MYO7A: variants seen among roughly 807,000 people sequenced by gnomAD.
MYO7A encodes myosin VIIA, also known as unconventional myosin-VIIa.
A neutral mutation model predicts 263.8 loss-of-function variants in MYO7A; 210 were observed. The observed-to-expected ratio is 0.80, with a 90% confidence interval of 0.71 to 0.89. The LOEUF is 0.89. Among genes scored for constraint, MYO7A ranks in the 40% least tolerant of loss-of-function variants. MYO7A has a pLI of 0.00. For synonymous variants in MYO7A, 1,239 were observed against 1,197.3 expected (o/e 1.03, Z -0.72); for missense variants, 2,820 against 2,968.3 (o/e 0.95, Z 1.16).
chr11:77,159,419 C>CCG, intron 9 of MYO7A, 28 bp from the exon 10 acceptor site: 1 of 1,545,410 alleles, frequency 6.5e-7, no homozygotes, highest in South Asian at 1.1e-5. Context: ...CCTCCCTCCC[C>CCG]TGATGCTGTG....
chr11:77,150,933 AC>A (rs1179124884), intron 4 of MYO7A, among the ~76,000 whole-genome samples: 1 of 151,972 alleles, frequency 6.6e-6, no homozygotes, highest in Non-Finnish European at 1.5e-5. Context: ...GACCATGGCA[AC>A]CCCCCGTCCC....
chr11:77,170,657 G>GGCC (rs1555075350), intron 15 of MYO7A, among the ~76,000 whole-genome samples: 6 of 152,090 alleles, frequency 3.9e-5, no homozygotes, highest in Non-Finnish European at 7.4e-5. Context: ...ACGCTGGTGA[G>GGCC]ACAGGTGTGG....
In MYO7A at chr11:77,205,444, C is replaced by A; in HGVS notation, c.5481-18C>A. On this transcript the variant is annotated intron_variant, in intron 39 of 48. Transcript: ENST00000409709. ...CGATGGCAGCTGCCCCTGCTGGAGC[C>A]CACGCCTCCTCCTGCAGGTACAGCG... 1 of 1,552,768 alleles carries A rather than the reference C, an allele frequency of 6.4e-7. No homozygotes were observed. Among genetic ancestry groups the A allele is most frequent in the Non-Finnish European group, 8.7e-7 (1 of 1,148,036 alleles).
chr11:77,183,157 G>A lies in MYO7A; in HGVS notation c.3375G>A (p.Glu1125=), dbSNP rs1955397176. The part of the protein sequence containing the change: ...TLKKKSKLTE[E]VTKRLHDGES... ...AAAAGAAGTCCAAGCTCACAGAGGA[G>A]GTGAGGGCAGACGCTGGGGGTCTGG... Residue 1125 remains glutamate, a splice_region_variant and synonymous_variant, in exon 26 of 49, where the codon GAG becomes GAA. Coordinates refer to ENST00000409709, the MANE Select transcript of MYO7A (RefSeq NM_000260.4). 6.4e-7 allele frequency: 1 copy of A among 1,551,470 alleles called. No homozygotes were observed. The highest frequency in any genetic ancestry group is 8.7e-7 in the Non-Finnish European group (1 of 1,147,316).
intron 4 of MYO7A, among the ~76,000 whole-genome samples, chr11:77,155,133 C>A (rs1952326135): frequency 6.6e-6 from 1 of 152,228 alleles, no homozygotes; most frequent in African/African-American, 2.4e-5. Flanking sequence ...ACCCTGAGTG[C>A]CTCACCCTGC....
intron 22 of MYO7A, among the ~76,000 whole-genome samples, chr11:77,180,791 C>G (rs1388561448): frequency 2.0e-5 from 3 of 152,150 alleles, no homozygotes; most frequent in Non-Finnish European, 4.4e-5. Context: ...CTACACTGCC[C>G]AATAGAGAGC....
intron 32 of MYO7A, among the ~76,000 whole-genome samples, chr11:77,195,071 C>T (rs1202580122): frequency 6.6e-6 from 1 of 152,100 alleles, no homozygotes; most frequent in Non-Finnish European, 1.5e-5. Flanking sequence ...CGCCTCATCT[C>T]CATGGCCCTG....
At chr11:77,174,053 T>C (rs1339334811) in intron 16 of MYO7A, among the ~76,000 whole-genome samples, 1 of 151,890 alleles carries the variant, frequency 6.6e-6, no homozygotes, top group Non-Finnish European at 1.5e-5. Context: ...CCAGTGACAT[T>C]GTTCTCAAAT....
In MYO7A at chr11:77,190,753, C is replaced by G; in HGVS notation, c.3807C>G (p.Thr1269=). The change falls in exon 30 of 49, where the codon ACC becomes ACG. Residue 1269 remains threonine, a synonymous_variant. Coordinates refer to ENST00000409709, the MANE Select transcript of MYO7A (RefSeq NM_000260.4). The part of the protein sequence containing the change: ...MLPVTFMDGT[T]KTLLTDSATT... ...CCGTGACATTCATGGATGGGACCAC[C>G]AAGACCCTGCTGACGGACTCGGCAA... The G allele has an allele frequency of 6.2e-7, 1 of 1,600,066 alleles. No homozygotes were observed. The highest frequency in any genetic ancestry group is 8.5e-7 in the Non-Finnish European group (1 of 1,173,692).
At chr11:77,185,423 A>C (rs1555087858) in intron 27 of MYO7A, among the ~76,000 whole-genome samples, 1 of 152,262 alleles carries the variant, frequency 6.6e-6, no homozygotes, top group Non-Finnish European at 1.5e-5. Flanking sequence ...CAATGTTCAC[A>C]GCATCTTCAC....
chr11:77,134,654 C>T (rs1261677286), intron 2 of MYO7A, among the ~76,000 whole-genome samples: 1 of 151,736 alleles, frequency 6.6e-6, no homozygotes, highest in African/African-American at 2.4e-5. Flanking sequence ...TTCTATTTAT[C>T]TATGTAAGTG....
intron 26 of MYO7A, 121 bp downstream of exon 26, chr11:77,183,278 C>A: frequency 1.2e-6 from 1 of 854,228 alleles, no homozygotes; most frequent in Non-Finnish European, 1.9e-6. Context: ...TGTCTGTCCT[C>A]AGGGGTCTTG....
Position 77,211,819 on chromosome 11 carries a change from A to G in MYO7A, c.6238-2A>G, listed in dbSNP as rs1555109612. On this transcript the variant is annotated splice_acceptor_variant, in intron 45 of 48. Coordinates refer to ENST00000409709, the MANE Select transcript of MYO7A (RefSeq NM_000260.4). LOFTEE classifies it high-confidence loss of function. ...CCAGCCCTGACCGCCCTGTCCCCAT[A>G]GTCCATCGTCGCCTACTTCAACAAG... is the stretch of plus-strand genomic sequence containing the variant. 1.9e-6 allele frequency: 3 copies of G among 1,612,972 alleles called. No homozygotes were observed. The highest frequency in any genetic ancestry group is 2.5e-6 in the Non-Finnish European group (3 of 1,179,034).
At position 77,207,034 on chromosome 11, in the gene MYO7A, A is replaced by G. The variant is rs1034573905; in HGVS notation, c.5743-255A>G. Reference sequence around the variant, plus strand: ...CTCCCTGGACCCCTCACTGTCACTCAGGCTTGTACACCCTGGCCCAGGACT... The same window carrying G: ...CTCCCTGGACCCCTCACTGTCACTCGGGCTTGTACACCCTGGCCCAGGACT... On this transcript the variant is annotated intron_variant, in intron 41 of 48. Transcript: ENST00000409709. 2.4e-5 allele frequency: 9 copies of G among 381,676 alleles called. No individual in the cohort carries two copies. The South Asian group carries it at 4.8e-4, about 20-fold the overall frequency. 23.6% of individuals were successfully genotyped at this position (381,676 alleles called of 1,614,324 possible). A position where few individuals can be genotyped will look rare whatever the true frequency, so the allele number is the denominator to read the frequency against.
At chr11:77,150,818 T>G (rs1194011898) in intron 4 of MYO7A, among the ~76,000 whole-genome samples, 1 of 152,146 alleles carries the variant, frequency 6.6e-6, no homozygotes, top group Non-Finnish European at 1.5e-5. Flanking sequence ...TTTCCTTGAC[T>G]CGCTGAGTTC....
chr11:77,133,319 C>G (rs1263194937), intron 2 of MYO7A, among the ~76,000 whole-genome samples: 2 of 152,200 alleles, frequency 1.3e-5, no homozygotes, highest in African/African-American at 4.8e-5. Context: ...GGCTTTTGTG[C>G]TTCAGTATGT....
At chr11:77,134,084 C>A (rs1265722281) in intron 2 of MYO7A, among the ~76,000 whole-genome samples, 2 of 150,906 alleles carry the variant, frequency 1.3e-5, no homozygotes, top group African/African-American at 2.5e-5. Flanking sequence ...CGTGCACCAC[C>A]ATACCTGGCT....
intron 31 of MYO7A, among the ~76,000 whole-genome samples, chr11:77,193,107 C>CGATGG (rs1956309865): frequency 2.2e-5 from 1 of 45,018 alleles, no homozygotes; most frequent in Non-Finnish European, 4.0e-5. Context: ...GGTAGTGATG[C>CGATGG]TGTTGGTGAT....
Position 77,211,817 on chromosome 11 carries a change from A to G in MYO7A, c.6238-4A>G, listed in dbSNP as rs1432242669. On this transcript the variant is annotated splice_polypyrimidine_tract_variant and splice_region_variant and intron_variant, in intron 45 of 48. Coordinates refer to ENST00000409709, the MANE Select transcript of MYO7A (RefSeq NM_000260.4). ...GCCCAGCCCTGACCGCCCTGTCCCC[A>G]TAGTCCATCGTCGCCTACTTCAACA... 1 of 1,613,054 alleles carries G rather than the reference A, an allele frequency of 6.2e-7. No individual in the cohort carries two copies. Among genetic ancestry groups the G allele is most frequent in the Non-Finnish European group, 8.5e-7 (1 of 1,179,112 alleles).
Sources: gnomAD v4.1 joint callset for allele counts (sites outside exome capture counted in the v4.1 genomes callset) on GRCh38, gnomAD v4.1.1 for gene constraint, MANE v1.5 for transcripts, NCBI Gene and HGNC (gene_info 2026-07-23, HGNC 2026-07-21) for gene names.